The following SHISA9 variants were observed in gnomAD, a reference collection of about 807,000 sequenced individuals.
SHISA9 encodes shisa family member 9, also known as protein shisa-9.
In SHISA9, 13 loss-of-function variants were observed where a neutral mutation model predicts 38.0. The observed-to-expected ratio is 0.34, with a 90% CI of 0.22 to 0.54. SHISA9 has a LOEUF of 0.54. Among genes scored for constraint, SHISA9 ranks in the 20% least tolerant of loss-of-function variants. The probability of loss-of-function intolerance (pLI) is 0.91; values close to 1 mark genes in which losing one functional copy is unlikely to be tolerated. For missense variants in SHISA9, 538 were observed against 575.8 expected, an observed-to-expected ratio of 0.93 and a Z score of 0.67; for synonymous variants, 275 against 242.0, an observed-to-expected ratio of 1.14 and a Z score of -1.27.
intron 2 of SHISA9, among the ~76,000 whole-genome samples, chr16:13,120,175 AT>A (rs1025033579): frequency 3.2e-4 from 49 of 152,336 alleles, no homozygotes; most frequent in African/African-American, 1.0e-3. Context: ...CAGATATGCA[AT>A]TAGATATATA....
At chr16:13,391,526 A>G in the SHISA9 span, among the ~76,000 whole-genome samples, 1 of 152,198 alleles carries the variant, frequency 6.6e-6, no homozygotes, top group African/African-American at 2.4e-5. Context: ...TCTGCAGTCA[A>G]TATGCATTAT....
intron 2 of SHISA9, among the ~76,000 whole-genome samples, chr16:13,095,708 A>G (rs990517668): frequency 6.6e-6 from 1 of 152,222 alleles, no homozygotes; most frequent in South Asian, 2.1e-4. Flanking sequence ...GCTGTTGACA[A>G]TCTTTTCTCA....
the SHISA9 span, among the ~76,000 whole-genome samples, chr16:13,470,940 A>G: frequency 6.6e-6 from 1 of 152,062 alleles, no homozygotes. Flanking sequence ...AGAAGATTTC[A>G]AGAAACAGAA....
chr16:13,070,838 C>T (rs1193866368), intron 2 of SHISA9, among the ~76,000 whole-genome samples: 1 of 152,146 alleles, frequency 6.6e-6, no homozygotes, highest in East Asian at 1.9e-4. Context: ...GATTCGAACC[C>T]AGGAGTGTTG....
chr16:12,954,561 G>T lies in SHISA9; in HGVS notation c.691+37746G>T, dbSNP rs148732771. Among the ~76,000 whole-genome samples, 5 of 152,282 alleles carry T rather than the reference G, an allele frequency of 3.3e-5. No homozygotes were observed. The South Asian group carries it at 6.2e-4, about 19-fold the overall frequency. On this transcript the variant is annotated intron_variant, in intron 2 of 4. Coordinates refer to ENST00000558583, the MANE Select transcript of SHISA9 (RefSeq NM_001145204.3). ...CCTTCCATGTGGCCTAGTAGAAATA[G>T]AACTTTTTCCTTGGTTCTTAGACAT...
chr16:12,904,229 C>T (rs1596519340), intron 1 of SHISA9, among the ~76,000 whole-genome samples: 1 of 152,090 alleles, frequency 6.6e-6, no homozygotes, highest in African/African-American at 2.4e-5. Context: ...ACTGAGGCAG[C>T]GGGTGTCGCC....
chr16:13,516,485 T>C, the SHISA9 span, among the ~76,000 whole-genome samples: 1 of 152,048 alleles, frequency 6.6e-6, no homozygotes, highest in East Asian at 1.9e-4. Context: ...GAAAAGGTAT[T>C]TGTGGGATGA....
chr16:13,126,196 T>A lies in SHISA9; in HGVS notation c.692-77198T>A, dbSNP rs571793876. ...GTTTGCACAGCAGTTTGGAGAGGGA[T>A]GCAGAGGCTGCCTGAGAGGAAGCCT... On this transcript the variant is annotated intron_variant, in intron 2 of 4. Transcript: ENST00000558583. 6.6e-5 allele frequency among the ~76,000 whole-genome samples: 10 copies of A among 152,294 alleles called. No homozygotes were observed. The South Asian group carries it at 1.5e-3, about 22-fold the overall frequency.
chr16:13,186,683 T>A (rs2050827415), intron 2 of SHISA9, among the ~76,000 whole-genome samples: 1 of 152,154 alleles, frequency 6.6e-6, no homozygotes, highest in African/African-American at 2.4e-5. Flanking sequence ...AACTTTTTCA[T>A]CTTCCCAAAA....
At chr16:13,119,660 C>T (rs948923560) in intron 2 of SHISA9, among the ~76,000 whole-genome samples, 3 of 152,100 alleles carry the variant, frequency 2.0e-5, no homozygotes, top group African/African-American at 7.2e-5. Flanking sequence ...AAAGATGTGG[C>T]AGCAGTTTAT....
the SHISA9 span, among the ~76,000 whole-genome samples, chr16:13,263,742 C>T: frequency 6.6e-6 from 1 of 152,110 alleles, no homozygotes; most frequent in African/African-American, 2.4e-5. Context: ...TGGGATTCTG[C>T]CAATACCAAT....
chr16:13,557,123 G>T, the SHISA9 span, among the ~76,000 whole-genome samples: 1 of 152,130 alleles, frequency 6.6e-6, no homozygotes, highest in Admixed American at 6.5e-5. Flanking sequence ...AATAATCAAT[G>T]AAGAATAAGT....
At chr16:13,029,675 A>G (rs1305903805) in intron 2 of SHISA9, among the ~76,000 whole-genome samples, 6 of 152,256 alleles carry the variant, frequency 3.9e-5, no homozygotes, top group Non-Finnish European at 5.9e-5. Flanking sequence ...AGATCATTAC[A>G]TTAAGTGAAA....
At chr16:13,520,151 G>C in the SHISA9 span, among the ~76,000 whole-genome samples, 1 of 152,180 alleles carries the variant, frequency 6.6e-6, no homozygotes, top group Non-Finnish European at 1.5e-5. Context: ...TCACCCACGT[G>C]ATGTGGGAAG....
intron 2 of SHISA9, among the ~76,000 whole-genome samples, chr16:13,108,178 G>A (rs370981296): frequency 6.6e-6 from 1 of 151,850 alleles, no homozygotes; most frequent in African/African-American, 2.4e-5. Flanking sequence ...ACCCAAGCTG[G>A]AGTGCAGTGT....
chr16:13,260,761 A>G, the SHISA9 span, among the ~76,000 whole-genome samples: 2 of 152,082 alleles, frequency 1.3e-5, no homozygotes, highest in Admixed American at 1.3e-4. Flanking sequence ...TCGCTTCCAC[A>G]TTTTTGGGTA....
chr16:13,187,761 A>T (rs946133998), intron 2 of SHISA9, among the ~76,000 whole-genome samples: 1 of 152,186 alleles, frequency 6.6e-6, no homozygotes, highest in Non-Finnish European at 1.5e-5. Flanking sequence ...TCAAAGCAAA[A>T]TGGGGAGATT....
the SHISA9 span, among the ~76,000 whole-genome samples, chr16:13,423,937 C>T: frequency 1.3e-5 from 2 of 152,338 alleles, no homozygotes; most frequent in African/African-American, 4.8e-5. Context: ...TCTCTTCATT[C>T]TTCTACTATC....
At chr16:13,355,069 T>C in the SHISA9 span, among the ~76,000 whole-genome samples, 3 of 149,226 alleles carry the variant, frequency 2.0e-5, no homozygotes, top group Non-Finnish European at 4.4e-5. Context: ...AACAGAATAA[T>C]GGGTTGTAGA....
Sources: allele counts gnomAD v4.1 joint callset (sites outside exome capture counted in the v4.1 genomes callset), GRCh38; gene constraint gnomAD v4.1.1; transcripts MANE v1.5; gene names NCBI Gene and HGNC (gene_info 2026-07-23, HGNC 2026-07-21).